The following LRRC8D variants were observed in gnomAD, a reference collection of about 807,000 sequenced individuals.
The protein encoded by LRRC8D is volume-regulated anion channel subunit LRRC8D.
In LRRC8D, 20 loss-of-function variants were observed where a neutral mutation model predicts 55.8. The ratio of observed to expected loss-of-function variants is 0.36; its 90% CI spans 0.25 to 0.52. The LOEUF is 0.52. Among genes scored for constraint, LRRC8D ranks in the 20% least tolerant of loss-of-function variants. The pLI is 0.93. For missense variants in LRRC8D, 651 were observed against 1,030.8 expected (o/e 0.63, Z 5.05); for synonymous variants, 352 against 377.0 (o/e 0.93, Z 0.77).
At chr1:89,894,943 A>G (rs1662668466) in intron 2 of LRRC8D, among the ~76,000 whole-genome samples, 1 of 152,068 alleles carries the variant, frequency 6.6e-6, no homozygotes, top group Admixed American at 6.5e-5. Context: ...TAGTGCTCAT[A>G]TTCTTTCATT....
At chr1:89,925,520 G>A (rs1663536833) in intron 2 of LRRC8D, among the ~76,000 whole-genome samples, 1 of 152,110 alleles carries the variant, frequency 6.6e-6, no homozygotes, top group South Asian at 2.1e-4. Flanking sequence ...TTGGTGATGG[G>A]ATCATTCATA....
chr1:89,897,426 T>A (rs1029548029), intron 2 of LRRC8D, among the ~76,000 whole-genome samples: 2 of 152,218 alleles, frequency 1.3e-5, no homozygotes, highest in African/African-American at 4.8e-5. Flanking sequence ...CGAGATTATG[T>A]TTTTTCCTAG....
intron 2 of LRRC8D, among the ~76,000 whole-genome samples, chr1:89,893,117 A>T (rs1178783887): frequency 6.6e-6 from 1 of 152,244 alleles, no homozygotes; most frequent in Non-Finnish European, 1.5e-5. Context: ...AGATAATATA[A>T]AATAGCTGTA....
In LRRC8D at chr1:89,932,954, A is replaced by C. The variant is rs983759533; in HGVS notation, c.-2-113A>C. 4 of 833,224 alleles carry C rather than the reference A, an allele frequency of 4.8e-6. No homozygotes were observed. In the African/African-American group the frequency reaches 6.8e-5, roughly 14 times the overall value. 51.6% of individuals were successfully genotyped at this position (833,224 alleles called of 1,614,324 possible). ...TTTCTACTACATTTATATTGGATAA[A>C]AAGATAGGACCTGAATGAGAAAACT... On this transcript the variant is annotated intron_variant, in intron 2 of 2. Coordinates refer to ENST00000337338, the MANE Select transcript of LRRC8D (RefSeq NM_001134479.2).
intron 2 of LRRC8D, among the ~76,000 whole-genome samples, chr1:89,932,183 G>A (rs962953495): frequency 3.9e-5 from 6 of 152,152 alleles, no homozygotes; most frequent in Non-Finnish European, 8.8e-5. Context: ...CCTGGCACCG[G>A]GGCTTCATTC....
At chr1:89,895,142 T>C (rs1662674254) in intron 2 of LRRC8D, among the ~76,000 whole-genome samples, 1 of 152,182 alleles carries the variant, frequency 6.6e-6, no homozygotes, top group African/African-American at 2.4e-5. Context: ...GGAAACAAAA[T>C]TATTACATTA....
chr1:89,895,293 C>T (rs1222035056), intron 2 of LRRC8D, among the ~76,000 whole-genome samples: 1 of 152,056 alleles, frequency 6.6e-6, no homozygotes, highest in East Asian at 1.9e-4. Context: ...TCTTATTTGA[C>T]AAGAGTTTTA....
chr1:89,888,956 G>T (rs961531184), intron 2 of LRRC8D, among the ~76,000 whole-genome samples: 1 of 152,228 alleles, frequency 6.6e-6, no homozygotes, highest in Non-Finnish European at 1.5e-5. Context: ...AATGATTTAT[G>T]TAGGTATTCC....
At chr1:89,844,178 A>G (rs1378685081) in intron 2 of LRRC8D, among the ~76,000 whole-genome samples, 3 of 152,076 alleles carry the variant, frequency 2.0e-5, no homozygotes, top group Non-Finnish European at 4.4e-5. Context: ...ATACACATAA[A>G]TGTCCTGGGA....
At chr1:89,852,372 T>A (rs1570821599) in intron 2 of LRRC8D, among the ~76,000 whole-genome samples, 2 of 152,192 alleles carry the variant, frequency 1.3e-5, no homozygotes, top group Admixed American at 6.5e-5. Flanking sequence ...CCTTCCCTCT[T>A]ATTCAATTAT....
At chr1:89,930,349 A>G (rs576721681) in intron 2 of LRRC8D, among the ~76,000 whole-genome samples, 1 of 152,226 alleles carries the variant, frequency 6.6e-6, no homozygotes, top group African/African-American at 2.4e-5. Flanking sequence ...GTGAACCACT[A>G]TGCCTGGCTA....
At chr1:89,894,365 A>T (rs1333831370) in intron 2 of LRRC8D, among the ~76,000 whole-genome samples, 2 of 152,236 alleles carry the variant, frequency 1.3e-5, no homozygotes, top group African/African-American at 4.8e-5. Flanking sequence ...AGCCGAGCAC[A>T]TAGCATTCTT....
chr1:89,932,436 A>C (rs1269442295), intron 2 of LRRC8D, among the ~76,000 whole-genome samples: 2 of 152,206 alleles, frequency 1.3e-5, no homozygotes, highest in Admixed American at 1.3e-4. Flanking sequence ...GTTCATGGAC[A>C]CTTCCACCAG....
In LRRC8D at chr1:89,935,531, G is replaced by C. The variant is rs145444375; in HGVS notation, c.2463G>C (p.Arg821=). The C allele has an allele frequency of 1.9e-6, 3 of 1,614,134 alleles. No homozygotes were observed. The African/African-American group carries it at 4.0e-5, about 22-fold the overall frequency. ...DRLPAQLGQC[R]MLKKSGLVVE... is the part of the protein sequence containing the mutation. Reference sequence around the variant, plus strand: ...TGCCAGCCCAGCTGGGCCAGTGTCGGATGCTCAAGAAAAGCGGGCTTGTTG... The same window carrying C: ...TGCCAGCCCAGCTGGGCCAGTGTCGCATGCTCAAGAAAAGCGGGCTTGTTG... The change falls in exon 3 of 3, where the codon CGG becomes CGC. Residue 821 remains arginine (R), a synonymous_variant. Transcript: ENST00000337338.
At chr1:89,834,394 C>T (rs1660957496) in intron 1 of LRRC8D, among the ~76,000 whole-genome samples, 1 of 152,134 alleles carries the variant, frequency 6.6e-6, no homozygotes, top group Non-Finnish European at 1.5e-5. Context: ...CTGTTCTATT[C>T]TTATATCAGC....
intron 2 of LRRC8D, among the ~76,000 whole-genome samples, chr1:89,872,980 A>G (rs1662059096): frequency 6.6e-6 from 1 of 152,206 alleles, no homozygotes; most frequent in Non-Finnish European, 1.5e-5. Flanking sequence ...TTGTGACCCA[A>G]AGTGAATAAA....
At chr1:89,870,582 T>C (rs968468231) in intron 2 of LRRC8D, among the ~76,000 whole-genome samples, 13 of 152,206 alleles carry the variant, frequency 8.5e-5, no homozygotes, top group African/African-American at 3.1e-4. Context: ...ACAGATTTCC[T>C]ATATTTTTGC....
intron 2 of LRRC8D, among the ~76,000 whole-genome samples, chr1:89,925,775 A>T (rs1303823544): frequency 2.0e-5 from 3 of 152,212 alleles, no homozygotes; most frequent in African/African-American, 7.2e-5. Context: ...GGCATATGTC[A>T]TTATCCCCAT....
intron 2 of LRRC8D, among the ~76,000 whole-genome samples, chr1:89,873,389 T>C (rs575937889): frequency 6.6e-6 from 1 of 152,348 alleles, no homozygotes; most frequent in Non-Finnish European, 1.5e-5. Flanking sequence ...GACCTAATAC[T>C]AGAACATTTT....
Sources: gnomAD v4.1 joint callset for allele counts (sites outside exome capture counted in the v4.1 genomes callset) on GRCh38, gnomAD v4.1.1 for gene constraint, MANE v1.5 for transcripts, NCBI Gene and HGNC (gene_info 2026-07-23, HGNC 2026-07-21) for gene names.